Variants in MED13L observed in about 807,000 individuals in gnomAD.
MED13L encodes mediator of RNA polymerase II transcription subunit 13-like.
A neutral mutation model predicts 220.9 loss-of-function variants in MED13L; 7 were observed. The ratio of observed to expected loss-of-function variants is 0.03; its 90% CI spans 0.02 to 0.06. The LOEUF (loss-of-function observed/expected upper bound fraction) is 0.06. MED13L is among the 10% of genes least tolerant of loss of function. MED13L has a pLI of 1.00. For missense variants in MED13L, 1,965 were observed against 2,760.5 expected (o/e 0.71, Z 6.46); for synonymous variants, 1,011 against 1,015.2 (o/e 1.00, Z 0.08).
intron 12 of MED13L, 140 bp from the exon 13 acceptor site, chr12:116,006,133 T>C: frequency 7.3e-7 from 1 of 1,365,402 alleles, no homozygotes; most frequent in Non-Finnish European, 1.0e-6. Flanking sequence ...AGACAATTAT[T>C]TCCAAATATG....
chr12:116,061,773 C>A (rs1869509380), intron 4 of MED13L, among the ~76,000 whole-genome samples: 1 of 151,872 alleles, frequency 6.6e-6, no homozygotes, highest in Admixed American at 6.6e-5. Flanking sequence ...TTTGGGAGGC[C>A]GAGGCAGGCT....
intron 23 of MED13L, among the ~76,000 whole-genome samples, chr12:115,978,411 C>A (rs1309935421): frequency 6.6e-6 from 1 of 150,772 alleles, no homozygotes; most frequent in African/African-American, 2.4e-5. Context: ...ACTGCAACCT[C>A]CACCTCATGG....
intron 17 of MED13L, among the ~76,000 whole-genome samples, chr12:115,990,128 T>G (rs1007289557): frequency 6.6e-6 from 1 of 152,144 alleles, no homozygotes; most frequent in African/African-American, 2.4e-5. Context: ...ACCAAGGGCC[T>G]TCCCACTTGC....
At chr12:116,182,396 T>C (rs368488156) in intron 2 of MED13L, among the ~76,000 whole-genome samples, 29 of 152,316 alleles carry the variant, frequency 1.9e-4, no homozygotes, top group African/African-American at 7.0e-4. Context: ...ATCTTTGGTC[T>C]CAACTGATGA....
chr12:116,052,632 A>G (rs566467636), intron 4 of MED13L, among the ~76,000 whole-genome samples: 2 of 152,340 alleles, frequency 1.3e-5, no homozygotes, highest in African/African-American at 2.4e-5. Flanking sequence ...AACAAAAATC[A>G]CTAATCATGT....
At chr12:116,219,128 G>A (rs550811002) in intron 2 of MED13L, among the ~76,000 whole-genome samples, 2 of 152,308 alleles carry the variant, frequency 1.3e-5, no homozygotes, top group African/African-American at 2.4e-5. Flanking sequence ...AATTTTGGAA[G>A]CTGACAGAAT....
chr12:116,036,115 T>C (rs975318419), intron 4 of MED13L, among the ~76,000 whole-genome samples: 2 of 152,116 alleles, frequency 1.3e-5, no homozygotes, highest in African/African-American at 4.8e-5. Context: ...CCCCAGCAAC[T>C]AGCATACTGC....
intron 2 of MED13L, among the ~76,000 whole-genome samples, chr12:116,123,829 T>G (rs1220566540): frequency 6.6e-6 from 1 of 152,032 alleles, no homozygotes; most frequent in African/African-American, 2.4e-5. Flanking sequence ...GAGGGCACTC[T>G]ACGGCGTGAC....
At chr12:116,000,699 C>A (rs1015292620) in intron 14 of MED13L, among the ~76,000 whole-genome samples, 1 of 152,168 alleles carries the variant, frequency 6.6e-6, no homozygotes, top group African/African-American at 2.4e-5. Flanking sequence ...AATAATAAAA[C>A]CTAATAAAAA....
At chr12:116,149,973 T>G (rs181711183) in intron 2 of MED13L, among the ~76,000 whole-genome samples, 11 of 152,336 alleles carry the variant, frequency 7.2e-5, no homozygotes. Context: ...ATAGTTACAT[T>G]TTTTTAATGT....
intron 2 of MED13L, among the ~76,000 whole-genome samples, chr12:116,166,839 A>G (rs570904670): frequency 1.3e-5 from 2 of 152,140 alleles, no homozygotes; most frequent in African/African-American, 4.8e-5. Flanking sequence ...TGTTGAATGA[A>G]TAAGTACAGA....
chr12:116,096,594 A>G, intron 4 of MED13L, 75 bp downstream of exon 4: 1 of 1,071,668 alleles, frequency 9.3e-7, no homozygotes, highest in South Asian at 1.3e-5. Flanking sequence ...ATTAGGAAAT[A>G]AATAAATCAA....
chr12:115,980,145 G>C (rs1877223327), intron 23 of MED13L, among the ~76,000 whole-genome samples: 1 of 151,852 alleles, frequency 6.6e-6, no homozygotes, highest in Admixed American at 6.6e-5. Context: ...GATTAGCTTA[G>C]AAAAATAAAG....
intron 1 of MED13L, among the ~76,000 whole-genome samples, chr12:116,263,694 A>G (rs535009756): frequency 6.6e-6 from 1 of 152,322 alleles, no homozygotes; most frequent in Non-Finnish European, 1.5e-5. Flanking sequence ...TCTCAACAGG[A>G]TACATTTATT....
intron 2 of MED13L, among the ~76,000 whole-genome samples, chr12:116,139,428 G>A (rs1292056193): frequency 2.0e-5 from 3 of 151,924 alleles, no homozygotes; most frequent in Non-Finnish European, 2.9e-5. Context: ...TGCCTTTCAG[G>A]GGTCAGTATT....
At chr12:116,149,323 C>T (rs1313882852) in intron 2 of MED13L, among the ~76,000 whole-genome samples, 1 of 152,188 alleles carries the variant, frequency 6.6e-6, no homozygotes, top group Non-Finnish European at 1.5e-5. Flanking sequence ...AAAGGCTGAT[C>T]AGAAGGAATT....
At chr12:116,169,373 A>C (rs1879516524) in intron 2 of MED13L, 1 of 152,206 alleles carries the variant, frequency 6.6e-6, no homozygotes, top group South Asian at 2.1e-4. Flanking sequence ...TTTTTTGCTA[A>C]ATAAGCTTCT....
At position 116,022,566 on chromosome 12, in the gene MED13L, T is replaced by C. The variant is rs1175373974; in HGVS notation, c.515A>G (p.His172Arg). 6.2e-7 allele frequency: 1 copy of C among 1,612,968 alleles called. No homozygotes were observed. The highest frequency in any genetic ancestry group is 2.2e-5 in the East Asian group (1 of 44,808). The change falls in exon 5 of 31, where the codon CAT becomes CGT. Residue 172 changes from histidine (H) to arginine (R), a missense_variant. By Grantham distance (29) the His-to-Arg change is conservative. This residue lies in a region of MED13L where 818 missense variants were observed against 1,041.2 expected (regional missense o/e 0.79). Transcript: ENST00000281928. ...ACTTGTGCATACATTACTTTCTCCA[T>C]GCAGAAAGAATGTGAAAGCACAGGA... ...HLSCAFTFFL[H>R]GESNVCTSVE...
chr12:116,168,399 GA>G (rs559040675), intron 2 of MED13L, among the ~76,000 whole-genome samples: 39 of 150,322 alleles, frequency 2.6e-4, no homozygotes, highest in Non-Finnish European at 4.6e-4. Context: ...CACAACACTA[GA>G]TAATAGAGAG....
Sources: gnomAD v4.1 joint callset for allele counts (sites outside exome capture counted in the v4.1 genomes callset) on GRCh38, gnomAD v4.1.1 for gene constraint, gnomAD v4.1.1 regional missense constraint, MANE v1.5 for transcripts, NCBI Gene and HGNC (gene_info 2026-07-23, HGNC 2026-07-21) for gene names.